DNAJC4: variants seen among roughly 807,000 people sequenced by gnomAD.
The protein encoded by DNAJC4 is DnaJ heat shock protein family (Hsp40) member C4.
Under a neutral mutation model 26.8 loss-of-function variants are expected in DNAJC4, and 26 were observed. The ratio of observed to expected loss-of-function variants is 0.97; its 90% CI spans 0.71 to 1.34. The LOEUF (loss-of-function observed/expected upper bound fraction) is 1.34, where lower values mean the gene tolerates loss of function less well. Among genes scored for constraint, DNAJC4 ranks in the 40% most tolerant of loss-of-function variants. DNAJC4 has a pLI of 0.00. For synonymous variants in DNAJC4, 134 were observed against 127.8 expected, an observed-to-expected ratio of 1.05 and a Z score of -0.33; for missense variants, 342 against 321.1, an observed-to-expected ratio of 1.07 and a Z score of -0.50.
In DNAJC4 at chr11:64,230,914, G is replaced by T; in HGVS notation, c.60G>T (p.Arg20=). Residue 20 remains arginine (R), a synonymous_variant, in exon 1 of 6, where the codon CGG becomes CGT. Transcript: ENST00000628077. ...CRLWPRNPPS[R]LLGAAAGQRS... ...TGTGGCCCCGCAACCCTCCCTCCCGGCTCCTCGGAGCGGCCGCCGGGCAGC... is the reference window on the plus strand; with the variant it reads ...TGTGGCCCCGCAACCCTCCCTCCCGTCTCCTCGGAGCGGCCGCCGGGCAGC... The T allele has an allele frequency of 1.9e-6, 3 of 1,577,380 alleles. No individual in the cohort carries two copies. The highest frequency in any genetic ancestry group is 2.6e-6 in the Non-Finnish European group (3 of 1,167,006).
rs937688385 is a variant in DNAJC4 at position 64,234,132 on chromosome 11, C to T, written c.674C>T (p.Pro225Leu). ...RQRLGQRQPP[P>L]SEPTQGPEIV... ...CGGCTAGGGCAGCGGCAGCCGCCAC[C>T]ATCCGAGCCAACCCAAGGCCCCGAG... is the stretch of plus-strand genomic sequence containing the variant. Residue 225 changes from proline (P) to leucine (L), a missense_variant, in exon 6 of 6, where the codon CCA becomes CTA. Transcript: ENST00000628077. This position sits in a 1 kb window ranked among gnomAD's most constrained non-coding sequence, Gnocchi z 5.3. 3.1e-6 allele frequency: 5 copies of T among 1,598,556 alleles called. No individual in the cohort carries two copies. Among genetic ancestry groups the T allele is most frequent in the Middle Eastern group, 1.7e-4 (1 of 6,046 alleles).
At position 64,230,912 on chromosome 11, in the gene DNAJC4, C is replaced by A; in HGVS notation, c.58C>A (p.Arg20=). Residue 20 remains arginine, a synonymous_variant, in exon 1 of 6, where the codon CGG becomes AGG. Transcript: ENST00000628077. The stretch of plus-strand genomic sequence containing the variant: ...GCTGTGGCCCCGCAACCCTCCCTCC[C>A]GGCTCCTCGGAGCGGCCGCCGGGCA... The part of the protein sequence containing the change: ...CRLWPRNPPS[R]LLGAAAGQRS... The A allele has an allele frequency of 1.3e-6, 2 of 1,581,168 alleles. No individual in the cohort carries two copies. Among genetic ancestry groups the A allele is most frequent in the South Asian group, 1.1e-5 (1 of 87,934 alleles).
In DNAJC4 at chr11:64,232,411, G is replaced by A; in HGVS notation, c.181-19G>A. 2.6e-6 allele frequency: 4 copies of A among 1,551,558 alleles called. No individual in the cohort carries two copies. The highest frequency in any genetic ancestry group is 3.5e-6 in the Non-Finnish European group (4 of 1,147,926). On this transcript the variant is annotated intron_variant, in intron 2 of 5. Coordinates refer to ENST00000628077, the MANE Select transcript of DNAJC4 (RefSeq NM_005528.4). ...AGGGACAGGCAAAGGGAGATAAGGG[G>A]AGTCCTGCCCCACCCCAGCTGCACC...
At chr11:64,233,583 C>A in intron 4 of DNAJC4, 1 of 397,866 alleles carries the variant, frequency 2.5e-6, no homozygotes, top group South Asian at 4.0e-5. Flanking sequence ...GGCCAGTGCC[C>A]ACTGCTAGCA....
At chr11:64,230,970 TG>T in intron 1 of DNAJC4, 30 bp downstream of exon 1, 1 of 1,537,352 alleles carries the variant, frequency 6.5e-7, no homozygotes, top group Non-Finnish European at 8.7e-7. Flanking sequence ...CCGGCCCGGT[TG>T]TTCAATGGGT....
In DNAJC4 at chr11:64,232,596, C is replaced by A; in HGVS notation, c.347C>A (p.Ser116Tyr). 1 of 1,602,486 alleles carries A rather than the reference C, an allele frequency of 6.2e-7. No individual in the cohort carries two copies. The highest frequency in any genetic ancestry group is 8.5e-7 in the Non-Finnish European group (1 of 1,171,398). Reference sequence around the variant, plus strand: ...CCACGAACCACAGTCCATGACAAGTCTGCCCACCAAACACACAGGTACAGT... The same window carrying A: ...CCACGAACCACAGTCCATGACAAGTATGCCCACCAAACACACAGGTACAGT... ...KSPRTTVHDK[S>Y]AHQTHSSWTP... Residue 116 changes from serine (S) to tyrosine (Y), a missense_variant, in exon 3 of 6, where the codon TCT (serine) becomes TAT (tyrosine). Coordinates refer to ENST00000628077, the MANE Select transcript of DNAJC4 (RefSeq NM_005528.4).
Position 64,230,951 on chromosome 11 carries a change from C to A in DNAJC4, c.86+11C>A. 1 of 1,542,120 alleles carries A rather than the reference C, an allele frequency of 6.5e-7. No homozygotes were observed. The highest frequency in any genetic ancestry group is 2.4e-5 in the East Asian group (1 of 41,374). On this transcript the variant is annotated intron_variant, in intron 1 of 5. Transcript: ENST00000628077. The stretch of plus-strand genomic sequence containing the variant: ...GGCCGCCGGGCAGCGGTGAGTTGGG[C>A]GCGGGGGGCCGGCCCGGTTGTTCAA...
In DNAJC4 at chr11:64,230,774, C is replaced by T. The variant is rs971687677; in HGVS notation, c.-81C>T. On this transcript the variant is annotated 5_prime_UTR_variant, in exon 1 of 6. Coordinates refer to ENST00000628077, the MANE Select transcript of DNAJC4 (RefSeq NM_005528.4). Reference sequence around the variant, plus strand: ...CAACGGGCCAGGCCCCTTCCCTCTGCCCCCGGGTGCTTGAAGTCTAGCCCC... The same window carrying T: ...CAACGGGCCAGGCCCCTTCCCTCTGTCCCCGGGTGCTTGAAGTCTAGCCCC... 12 of 1,518,774 alleles carry T rather than the reference C, an allele frequency of 7.9e-6. No homozygotes were observed. The highest frequency in any genetic ancestry group is 2.4e-5 in the South Asian group (2 of 83,584). The allele number at this position is 1,518,774 out of a possible 1,614,324, so 94.1% of individuals were successfully genotyped here. A position where few individuals can be genotyped will look rare whatever the true frequency, so the allele number is the denominator to read the frequency against.
chr11:64,231,515 A>C, intron 1 of DNAJC4: 1 of 214,702 alleles, frequency 4.7e-6, no homozygotes, highest in Non-Finnish European at 9.6e-6. Context: ...CTAATTTTGT[A>C]TTTTTAGGAG....
chr11:64,230,541 T>G, upstream of DNAJC4: 1 of 593,166 alleles, frequency 1.7e-6, no homozygotes, highest in Non-Finnish European at 3.1e-6. Context: ...CGGGGCCTGG[T>G]TGTGGCCCCT....
intron 1 of DNAJC4, chr11:64,231,604 A>G (rs1947176826): frequency 2.6e-6 from 1 of 380,488 alleles, no homozygotes; most frequent in Admixed American, 4.0e-5. Context: ...GCCTCCCAAA[A>G]TGCTGGATTA....
At chr11:64,231,678 T>G in intron 1 of DNAJC4, 193 bp from the exon 2 acceptor site, 2 of 541,970 alleles carry the variant, frequency 3.7e-6, no homozygotes, top group Non-Finnish European at 6.5e-6. Context: ...GGACTCCACT[T>G]TGAGAAATCC....
chr11:64,234,018 C>G lies in DNAJC4; in HGVS notation c.614+38C>G, dbSNP rs199955308. ...TCTATTCTGCTCCCTGCTCCCTGTC[C>G]AGGAACCACACTTCGGGATCCCTAT... is the stretch of plus-strand genomic sequence containing the variant. On this transcript the variant is annotated intron_variant, in intron 5 of 5. Transcript: ENST00000628077. This position sits in a 1 kb window ranked among gnomAD's most constrained non-coding sequence, Gnocchi z 5.3. The G allele has an allele frequency of 5.6e-6, 9 of 1,613,998 alleles. No individual in the cohort carries two copies. The highest frequency in any genetic ancestry group is 1.6e-4 in the Middle Eastern group (1 of 6,062).
At chr11:64,232,132 CA>C in intron 2 of DNAJC4, 168 bp downstream of exon 2, 1 of 771,670 alleles carries the variant, frequency 1.3e-6, no homozygotes, top group South Asian at 1.7e-5. Flanking sequence ...GGGCAGGAGC[CA>C]GGGGTCCTGT....
chr11:64,231,073 C>T, intron 1 of DNAJC4, 133 bp downstream of exon 1: 1 of 1,185,712 alleles, frequency 8.4e-7, no homozygotes, highest in Non-Finnish European at 1.2e-6. Context: ...GCCTTCCCTG[C>T]TGAGGATCAG....
At chr11:64,232,137 G>A in intron 2 of DNAJC4, 173 bp downstream of exon 2, 1 of 751,518 alleles carries the variant, frequency 1.3e-6, no homozygotes, top group Admixed American at 2.5e-5. Context: ...GGAGCCAGGG[G>A]TCCTGTCTGA....
intron 1 of DNAJC4, chr11:64,231,160 G>C (rs143447723): frequency 1.7e-4 from 120 of 690,560 alleles, no homozygotes; most frequent in Non-Finnish European, 3.1e-4. Context: ...CAAACCCAAC[G>C]CTCTTACCAC....
Position 64,233,765 on chromosome 11 carries a change from G to C in DNAJC4, c.528-129G>C, listed in dbSNP as rs61761263. On this transcript the variant is annotated intron_variant, in intron 4 of 5. Transcript: ENST00000628077. ...AGCCCTCCCTATCTATCACAGGAAG[G>C]GTTAGACTGAGGTTCCTAACCCTGT... 104 of 1,271,274 alleles carry C rather than the reference G, an allele frequency of 8.2e-5. No individual in the cohort carries two copies. In the East Asian group the frequency reaches 2.3e-3, roughly 29 times the overall value. 78.7% of individuals were successfully genotyped at this position (1,271,274 alleles called of 1,614,324 possible).
Position 64,231,982 on chromosome 11 carries a change from G to A in DNAJC4, c.180+18G>A, listed in dbSNP as rs1367287958. The A allele has an allele frequency of 6.8e-6, 11 of 1,613,306 alleles. No homozygotes were observed. In the South Asian group the frequency reaches 9.9e-5, roughly 14 times the overall value. ...CCAAAGAGGTACCCGTACCCCTGAG[G>A]TGGGGAGGGGGAGCAGGAACTTTGA... is the stretch of plus-strand genomic sequence containing the variant. On this transcript the variant is annotated intron_variant, in intron 2 of 5. Coordinates refer to ENST00000628077, the MANE Select transcript of DNAJC4 (RefSeq NM_005528.4).
Sources: allele counts gnomAD v4.1 joint callset, GRCh38; gene constraint gnomAD v4.1.1; non-coding constraint Gnocchi (gnomAD v3.1); transcripts MANE v1.5; gene names NCBI Gene and HGNC (gene_info 2026-07-23, HGNC 2026-07-21).